The following SNTG1 variants were observed in gnomAD, a reference collection of about 807,000 sequenced individuals.
SNTG1 encodes the protein syntrophin gamma 1, also known as gamma-1-syntrophin.
Under a neutral mutation model 74.7 loss-of-function variants are expected in SNTG1, and 39 were observed. The observed-to-expected ratio is 0.52, with a 90% CI of 0.40 to 0.68. SNTG1 has a LOEUF of 0.68. Ranked by LOEUF, SNTG1 falls within the 30% of genes least tolerant of loss-of-function variation. The pLI is 0.00. For missense variants in SNTG1, 685 were observed against 609.5 expected, an observed-to-expected ratio of 1.12 and a Z score of -1.30; for synonymous variants, 254 against 217.1, an observed-to-expected ratio of 1.17 and a Z score of -1.49.
intron 18 of SNTG1, among the ~76,000 whole-genome samples, chr8:50,779,494 G>T (rs2095651846): frequency 6.6e-6 from 1 of 151,944 alleles, no homozygotes; most frequent in African/African-American, 2.4e-5. Flanking sequence ...TCATTATTTG[G>T]CTCTCTGTTT....
intron 2 of SNTG1, among the ~76,000 whole-genome samples, chr8:50,213,563 T>C (rs13278156): frequency 0.017 from 2,654 of 152,260 alleles, 33 homozygotes; most frequent in Non-Finnish European, 0.027. Flanking sequence ...TTTCTGTTCC[T>C]ATTTCTCCAC....
intron 2 of SNTG1, among the ~76,000 whole-genome samples, chr8:50,179,308 TAA>T (rs1422493030): frequency 2.0e-5 from 3 of 152,222 alleles, no homozygotes; most frequent in African/African-American, 7.2e-5. Context: ...GGGTCCCATA[TAA>T]CTTTAGAATG....
At chr8:49,997,692 G>A (rs1051013900) in intron 1 of SNTG1, among the ~76,000 whole-genome samples, 2 of 152,074 alleles carry the variant, frequency 1.3e-5, no homozygotes, top group African/African-American at 4.8e-5. Flanking sequence ...AAAAACTTGT[G>A]TCCTGGTTTT....
chr8:50,686,849 T>C (rs2095354296), intron 15 of SNTG1, among the ~76,000 whole-genome samples: 1 of 152,198 alleles, frequency 6.6e-6, no homozygotes, highest in Non-Finnish European at 1.5e-5. Context: ...AAAATAAACA[T>C]GAAGGGCCGG....
chr8:50,069,460 G>A (rs971844589), intron 1 of SNTG1, among the ~76,000 whole-genome samples: 6 of 151,868 alleles, frequency 4.0e-5, no homozygotes, highest in African/African-American at 1.5e-4. Flanking sequence ...ATGGAAAAAT[G>A]TTCACAATAA....
intron 15 of SNTG1, among the ~76,000 whole-genome samples, chr8:50,672,998 A>G (rs2095292223): frequency 6.6e-6 from 1 of 152,046 alleles, no homozygotes; most frequent in Non-Finnish European, 1.5e-5. Flanking sequence ...ACAGTTATAG[A>G]TGTGTAGTAT....
At chr8:50,716,409 A>T (rs13264295) in intron 17 of SNTG1, among the ~76,000 whole-genome samples, 31,143 of 151,668 alleles carry the variant, frequency 0.21, 3,307 homozygotes, top group South Asian at 0.31. Flanking sequence ...TTATATATAT[A>T]TTTTTTCTTT....
At chr8:50,161,693 T>C (rs2082421719) in intron 1 of SNTG1, among the ~76,000 whole-genome samples, 1 of 151,644 alleles carries the variant, frequency 6.6e-6, no homozygotes, top group African/African-American at 2.4e-5. Context: ...GAGGTAAGTA[T>C]AGATTTGAAA....
chr8:50,396,548 C>T (rs796390054), intron 3 of SNTG1, among the ~76,000 whole-genome samples: 5 of 152,290 alleles, frequency 3.3e-5, no homozygotes, highest in African/African-American at 1.2e-4. Context: ...TGCTACAATG[C>T]AGTACAGTAT....
intron 15 of SNTG1, among the ~76,000 whole-genome samples, chr8:50,664,372 T>C (rs1317115141): frequency 6.6e-6 from 1 of 152,110 alleles, no homozygotes; most frequent in Non-Finnish European, 1.5e-5. Flanking sequence ...TGAATATATA[T>C]CAAGAATGAG....
chr8:49,941,163 A>AG, intron 1 of SNTG1, among the ~76,000 whole-genome samples: 1 of 152,180 alleles, frequency 6.6e-6, no homozygotes, highest in African/African-American at 2.4e-5. Context: ...GGTTTCACAA[A>AG]GGGGGGTTTC....
intron 11 of SNTG1, among the ~76,000 whole-genome samples, chr8:50,538,192 T>A (rs1198961824): frequency 6.6e-6 from 1 of 152,150 alleles, no homozygotes; most frequent in Non-Finnish European, 1.5e-5. Context: ...TAAGATTCCT[T>A]TATCTTTCCT....
At chr8:50,642,448 G>C (rs569798366) in intron 13 of SNTG1, among the ~76,000 whole-genome samples, 5 of 152,152 alleles carry the variant, frequency 3.3e-5, no homozygotes, top group African/African-American at 1.2e-4. Context: ...GATCTGTCAG[G>C]GACCTACAAG....
chr8:50,474,192 A>G (rs1243467948), intron 8 of SNTG1, among the ~76,000 whole-genome samples: 1 of 152,102 alleles, frequency 6.6e-6, no homozygotes, highest in Non-Finnish European at 1.5e-5. Context: ...AAAACACCAA[A>G]AGCAATGGCA....
intron 13 of SNTG1, among the ~76,000 whole-genome samples, chr8:50,640,623 T>G (rs2095066681): frequency 1.3e-5 from 2 of 152,120 alleles, no homozygotes; most frequent in Admixed American, 1.3e-4. Context: ...ATGATTCTAA[T>G]CTCTGGATCA....
intron 13 of SNTG1, among the ~76,000 whole-genome samples, chr8:50,656,455 C>T (rs1258754986): frequency 2.6e-5 from 4 of 152,082 alleles, no homozygotes; most frequent in Admixed American, 6.6e-5. Context: ...AGTGGTGTGC[C>T]GCCCTAGTGG....
intron 2 of SNTG1, among the ~76,000 whole-genome samples, chr8:50,227,770 G>C (rs2085408486): frequency 6.6e-6 from 1 of 151,634 alleles, no homozygotes; most frequent in Non-Finnish European, 1.5e-5. Context: ...GAAACTATGA[G>C]AGCCTTTGAC....
At chr8:50,274,538 A>T (rs969453609) in intron 2 of SNTG1, among the ~76,000 whole-genome samples, 1 of 152,148 alleles carries the variant, frequency 6.6e-6, no homozygotes, top group Non-Finnish European at 1.5e-5. Context: ...ATATTTTAAA[A>T]TTTCCTTTTC....
chr8:50,293,374 A>G (rs2089211317), intron 2 of SNTG1, among the ~76,000 whole-genome samples: 1 of 145,444 alleles, frequency 6.9e-6, no homozygotes, highest in African/African-American at 2.5e-5. Flanking sequence ...AACCAGTCAT[A>G]TTGGATTAGG....
Sources: gnomAD v4.1 joint callset for allele counts (sites outside exome capture counted in the v4.1 genomes callset) on GRCh38, gnomAD v4.1.1 for gene constraint, MANE v1.5 for transcripts, NCBI Gene and HGNC (gene_info 2026-07-23, HGNC 2026-07-21) for gene names.